UMPS: variants seen among roughly 807,000 people sequenced by gnomAD.
The protein encoded by UMPS is uridine 5'-monophosphate synthase.
Under a neutral mutation model 38.9 loss-of-function variants are expected in UMPS, and 21 were observed. The ratio of observed to expected loss-of-function variants is 0.54; its 90% CI spans 0.38 to 0.78. The LOEUF (loss-of-function observed/expected upper bound fraction) is 0.78. Ranked by LOEUF, UMPS falls within the 30% of genes least tolerant of loss-of-function variation. UMPS has a pLI of 0.00. For missense variants in UMPS, 533 were observed against 591.6 expected (o/e 0.90, Z 1.03); for synonymous variants, 208 against 219.3 (o/e 0.95, Z 0.45).
rs1411513097 is a variant in UMPS, at chr3:124,748,917, G to T, written c.*4833G>T. ...CCTGGTGGGCCTGAGAGTCTCAATC[G>T]TCAGGTAAGGACAGTCAGTGGGAAG... On this transcript the variant is annotated 3_prime_UTR_variant, in exon 6 of 6. Coordinates refer to ENST00000232607, the MANE Select transcript of UMPS (RefSeq NM_000373.4). The T allele has an allele frequency of 2.2e-6, 1 of 446,624 alleles. No individual in the cohort carries two copies. Among genetic ancestry groups the T allele is most frequent in the Non-Finnish European group, 4.5e-6 (1 of 221,650 alleles). The allele number at this position is 446,624 out of a possible 1,614,324, so 27.7% of individuals were successfully genotyped here.
Position 124,745,176 on chromosome 3 carries a change from GAGAA to G in UMPS, c.*1095_*1098del, listed in dbSNP as rs1217858453. On this transcript the variant is annotated 3_prime_UTR_variant, in exon 6 of 6. Coordinates refer to ENST00000232607, the MANE Select transcript of UMPS (RefSeq NM_000373.4). ...GAGGTAAGCCTTCATTAATAATAAA[GAGAA>G]AGCCCACATTCAAGGTGGTGTTTGA... 4.4e-6 allele frequency: 2 copies of G among 454,094 alleles called. No homozygotes were observed. The highest frequency in any genetic ancestry group is 4.4e-6 in the Non-Finnish European group (1 of 226,792). 28.1% of individuals were successfully genotyped at this position (454,094 alleles called of 1,614,324 possible). A position where few individuals can be genotyped will look rare whatever the true frequency, so the allele number is the denominator to read the frequency against.
intron 2 of UMPS, among the ~76,000 whole-genome samples, chr3:124,736,931 G>A (rs1354976706): frequency 2.6e-5 from 4 of 152,188 alleles, no homozygotes; most frequent in East Asian, 3.8e-4. Flanking sequence ...GTAGTAATGG[G>A]TCTAAATGAT....
intron 3 of UMPS, among the ~76,000 whole-genome samples, chr3:124,739,463 C>T (rs2063541128): frequency 6.6e-6 from 1 of 152,164 alleles, no homozygotes; most frequent in Non-Finnish European, 1.5e-5. Flanking sequence ...TCCCAAGTAG[C>T]TGGGACCACA....
At chr3:124,741,328 G>A (rs1166444937) in intron 4 of UMPS, among the ~76,000 whole-genome samples, 1 of 152,140 alleles carries the variant, frequency 6.6e-6, no homozygotes, top group Non-Finnish European at 1.5e-5. Context: ...TGCAGTGGTG[G>A]TACTGAGTCT....
Position 124,748,524 on chromosome 3 carries a change from C to T in UMPS, c.*4440C>T, listed in dbSNP as rs113839746. On this transcript the variant is annotated 3_prime_UTR_variant, in exon 6 of 6. Transcript: ENST00000232607. ...TAGAAGCACATTTGCCTAGCCCTTT[C>T]CTTCCCACCAAGGGGGAAAGTCTTC... 1.6e-3 allele frequency: 707 copies of T among 454,084 alleles called. 3 individuals carry two copies. The highest frequency in any genetic ancestry group is 0.013 in the African/African-American group (662 of 50,116). 28.1% of individuals were successfully genotyped at this position (454,084 alleles called of 1,614,324 possible).
At chr3:124,731,812 A>G (rs1421978684) in intron 1 of UMPS, among the ~76,000 whole-genome samples, 1 of 151,164 alleles carries the variant, frequency 6.6e-6, no homozygotes, top group Non-Finnish European at 1.5e-5. Context: ...CAGAAGAATC[A>G]GGAGGTTGCA....
Position 124,747,498 on chromosome 3 carries a change from A to G in UMPS, c.*3414A>G, listed in dbSNP as rs115977637. 2,899 of 454,094 alleles carry G rather than the reference A, an allele frequency of 6.4e-3. 84 individuals carry two copies. The highest frequency in any genetic ancestry group is 0.053 in the African/African-American group (2,672 of 50,096). The allele number at this position is 454,094 out of a possible 1,614,324, so 28.1% of individuals were successfully genotyped here. Reference sequence around the variant, plus strand: ...ACCCCTCTCTGGCTTCTGCCACCACATGGGAAGAATATGCCCTGGTTAGCC... The same window carrying G: ...ACCCCTCTCTGGCTTCTGCCACCACGTGGGAAGAATATGCCCTGGTTAGCC... On this transcript the variant is annotated 3_prime_UTR_variant, in exon 6 of 6. Transcript: ENST00000232607.
Position 124,749,077 on chromosome 3 carries a change from G to A in UMPS, c.*4993G>A. On this transcript the variant is annotated 3_prime_UTR_variant, in exon 6 of 6. Transcript: ENST00000232607. ...TCTCCCTGCACTTAGCAGCCCTGCA[G>A]GGTGAGACTTGGGGAGGATCCTGAA... is the stretch of plus-strand genomic sequence containing the variant. 2.2e-6 allele frequency: 1 copy of A among 454,138 alleles called. No individual in the cohort carries two copies. Among genetic ancestry groups the A allele is most frequent in the Non-Finnish European group, 4.4e-6 (1 of 226,790 alleles). The allele number at this position is 454,138 out of a possible 1,614,324, so 28.1% of individuals were successfully genotyped here.
rs12497723 is a variant in UMPS, at chr3:124,744,721, G to A, written c.*637G>A. On this transcript the variant is annotated 3_prime_UTR_variant, in exon 6 of 6. Transcript: ENST00000232607. Reference sequence around the variant, plus strand: ...ACTGTGCCCAGCCTAATTGCAGTAAGACAAAAATTCTAGGGCACCAAGAGG... The same window carrying A: ...ACTGTGCCCAGCCTAATTGCAGTAAAACAAAAATTCTAGGGCACCAAGAGG... 9 of 453,884 alleles carry A rather than the reference G, an allele frequency of 2.0e-5. No homozygotes were observed. The Admixed American group carries it at 2.1e-4, about 11-fold the overall frequency. 28.1% of individuals were successfully genotyped at this position (453,884 alleles called of 1,614,324 possible). A position where few individuals can be genotyped will look rare whatever the true frequency, so the allele number is the denominator to read the frequency against.
chr3:124,743,887 G>T, intron 5 of UMPS, 28 bp from the exon 6 acceptor site: 1 of 1,606,170 alleles, frequency 6.2e-7, no homozygotes, highest in South Asian at 1.1e-5. Context: ...TGTATTATGT[G>T]AAACAACAAT....
Position 124,746,752 on chromosome 3 carries a change from AGATTGTGTGTGT to A in UMPS, c.*2670_*2681del, listed in dbSNP as rs2063601945. On this transcript the variant is annotated 3_prime_UTR_variant, in exon 6 of 6. Coordinates refer to ENST00000232607, the MANE Select transcript of UMPS (RefSeq NM_000373.4). ...GGCATTCTGTAGAACATAAGCCCAT[AGATTGTGTGTGT>A]GTGTGTGTGTGTGTGTGTGTGTGTG... 2.9e-6 allele frequency: 1 copy of A among 346,628 alleles called. No homozygotes were observed. Among genetic ancestry groups the A allele is most frequent in the Non-Finnish European group, 5.7e-6 (1 of 176,372 alleles). The allele number at this position is 346,628 out of a possible 1,614,324, so 21.5% of individuals were successfully genotyped here.
chr3:124,747,104 G>A lies in UMPS; in HGVS notation c.*3020G>A, dbSNP rs185476268. ...ACCTTGACTTGGGCTCAAGCGATCC[G>A]CTCAAGTAGCTGGAACTACTCTCAA... On this transcript the variant is annotated 3_prime_UTR_variant, in exon 6 of 6. Transcript: ENST00000232607. 500 of 453,814 alleles carry A rather than the reference G, an allele frequency of 1.1e-3. 3 individuals carry two copies. The highest frequency in any genetic ancestry group is 8.2e-3 in the African/African-American group (411 of 50,088). The allele number at this position is 453,814 out of a possible 1,614,324, so 28.1% of individuals were successfully genotyped here. A position where few individuals can be genotyped will look rare whatever the true frequency, so the allele number is the denominator to read the frequency against.
intron 2 of UMPS, among the ~76,000 whole-genome samples, chr3:124,736,596 C>A (rs182621815): frequency 6.6e-6 from 1 of 152,182 alleles, no homozygotes; most frequent in African/African-American, 2.4e-5. Flanking sequence ...AGCCACTGCA[C>A]CCAGCTGAGA....
In UMPS at chr3:124,745,146, G is replaced by T. The variant is rs1297739201; in HGVS notation, c.*1062G>T. 2.2e-6 allele frequency: 1 copy of T among 454,120 alleles called. No homozygotes were observed. The highest frequency in any genetic ancestry group is 1.6e-5 in the South Asian group (1 of 64,478). 28.1% of individuals were successfully genotyped at this position (454,120 alleles called of 1,614,324 possible). A position where few individuals can be genotyped will look rare whatever the true frequency, so the allele number is the denominator to read the frequency against. On this transcript the variant is annotated 3_prime_UTR_variant, in exon 6 of 6. Transcript: ENST00000232607. The stretch of plus-strand genomic sequence containing the variant: ...ATAATTGTCCCAACGGTCATTAGTA[G>T]AGGGGAGGTAAGCCTTCATTAATAA...
intron 1 of UMPS, chr3:124,731,692 T>C: frequency 9.7e-6 from 2 of 206,864 alleles, no homozygotes; most frequent in South Asian, 1.3e-4. Context: ...AGGTCTGGAG[T>C]TCGAGACCAG....
chr3:124,742,312 C>T lies in UMPS; in HGVS notation c.1273+46C>T, dbSNP rs778239686. 6.4e-6 allele frequency: 9 copies of T among 1,402,010 alleles called. No individual in the cohort carries two copies. In the East Asian group the frequency reaches 1.4e-4, roughly 21 times the overall value. 86.8% of individuals were successfully genotyped at this position (1,402,010 alleles called of 1,614,324 possible). A position where few individuals can be genotyped will look rare whatever the true frequency, so the allele number is the denominator to read the frequency against. ...TGGCTCTTCCAAAAATGCTTCTTTA[C>T]CCATGGCAGGCAAAATAAAACTTTG... On this transcript the variant is annotated intron_variant, in intron 5 of 5. Coordinates refer to ENST00000232607, the MANE Select transcript of UMPS (RefSeq NM_000373.4).
rs1356430516 is a variant in UMPS, at chr3:124,745,142, A to G, written c.*1058A>G. On this transcript the variant is annotated 3_prime_UTR_variant, in exon 6 of 6. Transcript: ENST00000232607. Reference sequence around the variant, plus strand: ...CCACATAATTGTCCCAACGGTCATTAGTAGAGGGGAGGTAAGCCTTCATTA... The same window carrying G: ...CCACATAATTGTCCCAACGGTCATTGGTAGAGGGGAGGTAAGCCTTCATTA... The G allele has an allele frequency of 2.2e-6, 1 of 453,990 alleles. No homozygotes were observed. Among genetic ancestry groups the G allele is most frequent in the Admixed American group, 2.3e-5 (1 of 42,554 alleles). The allele number at this position is 453,990 out of a possible 1,614,324, so 28.1% of individuals were successfully genotyped here. A position where few individuals can be genotyped will look rare whatever the true frequency, so the allele number is the denominator to read the frequency against.
chr3:124,737,489 A>G, intron 2 of UMPS, 79 bp from the exon 3 acceptor site: 1 of 1,386,954 alleles, frequency 7.2e-7, no homozygotes. Context: ...CAAGTTTTGT[A>G]TACAGAGTGT....
Position 124,742,202 on chromosome 3 carries a change from C to A in UMPS, c.1209C>A (p.Gly403=), listed in dbSNP as rs760715043. Residue 403 remains glycine, a synonymous_variant, in exon 5 of 6, where the codon GGC becomes GGA. Transcript: ENST00000232607. Reference sequence around the variant, plus strand: ...AATTTGTTGTTGGTTTTATTTCTGGCTCCCGAGTAAGCATGAAACCAGAAT... The same window carrying A: ...AATTTGTTGTTGGTTTTATTTCTGGATCCCGAGTAAGCATGAAACCAGAAT... ...HSEFVVGFIS[G]SRVSMKPEFL... is the part of the protein sequence containing the mutation. The A allele has an allele frequency of 6.2e-7, 1 of 1,614,096 alleles. No individual in the cohort carries two copies. Among genetic ancestry groups the A allele is most frequent in the Admixed American group, 1.7e-5 (1 of 60,018 alleles).
Sources: allele counts gnomAD v4.1 joint callset (sites outside exome capture counted in the v4.1 genomes callset), GRCh38; gene constraint gnomAD v4.1.1; transcripts MANE v1.5; gene names NCBI Gene and HGNC (gene_info 2026-07-23, HGNC 2026-07-21).